EPB41L2: variants seen among roughly 807,000 people sequenced by gnomAD.
EPB41L2 encodes the protein band 4.1-like protein 2.
EPB41L2 carries 43 observed loss-of-function variants against 113.0 expected under a neutral mutation model. That is an observed-to-expected ratio of 0.38 (90% CI 0.30 to 0.49). EPB41L2 has a LOEUF of 0.49. Among genes scored for constraint, EPB41L2 ranks in the 20% least tolerant of loss-of-function variants. The probability of loss-of-function intolerance (pLI) is 0.95; values close to 1 mark genes in which losing one functional copy is unlikely to be tolerated. For synonymous variants in EPB41L2, 442 were observed against 436.7 expected (o/e 1.01, Z -0.15); for missense variants, 1,147 against 1,223.4 (o/e 0.94, Z 0.93).
At chr6:130,964,032 T>G (rs1002026055) in intron 1 of EPB41L2, among the ~76,000 whole-genome samples, 2 of 152,078 alleles carry the variant, frequency 1.3e-5, no homozygotes, top group Admixed American at 6.5e-5. Flanking sequence ...TTTCCTTTTT[T>G]TTTTTTCACA....
chr6:130,876,309 G>A (rs1663122959), intron 14 of EPB41L2, among the ~76,000 whole-genome samples: 1 of 152,126 alleles, frequency 6.6e-6, no homozygotes, highest in Admixed American at 6.5e-5. Flanking sequence ...CATCATCTAA[G>A]GCACATAAGT....
chr6:130,976,767 A>G lies in EPB41L2; in HGVS notation c.-14-20268T>C, dbSNP rs1778290622. On this transcript the variant is annotated intron_variant, in intron 1 of 19. Coordinates refer to ENST00000337057, the MANE Select transcript of EPB41L2 (RefSeq NM_001431.4). ...TTTTAAATTACACAATCAGACAAGT[A>G]TAGTAATCCAGCAGGTACATTAAAC... Among the ~76,000 whole-genome samples the G allele has an allele frequency of 2.0e-5, 3 of 152,228 alleles. No individual in the cohort carries two copies. In the South Asian group the frequency reaches 6.2e-4, roughly 31 times the overall value.
At chr6:130,896,941 C>T (rs1473927221) in intron 8 of EPB41L2, among the ~76,000 whole-genome samples, 2 of 152,030 alleles carry the variant, frequency 1.3e-5, no homozygotes, top group Non-Finnish European at 2.9e-5. Flanking sequence ...TATCCAGATT[C>T]CCTCCCTACG....
intron 18 of EPB41L2, among the ~76,000 whole-genome samples, chr6:130,859,751 C>CAAAAAAA (rs5880039): frequency 7.6e-6 from 1 of 131,702 alleles, no homozygotes; most frequent in African/African-American, 2.9e-5. Flanking sequence ...GTAAAGCTAC[C>CAAAAAAA]AAAAAAAAAA....
chr6:130,858,351 G>A, intron 18 of EPB41L2, 108 bp from the exon 19 acceptor site: 1 of 738,120 alleles, frequency 1.4e-6, no homozygotes, highest in Non-Finnish European at 2.2e-6. Flanking sequence ...CAAGCCAAGA[G>A]GCACTCACTT....
intron 4 of EPB41L2, among the ~76,000 whole-genome samples, chr6:130,921,838 T>G (rs543418032): frequency 6.6e-6 from 1 of 152,324 alleles, no homozygotes; most frequent in South Asian, 2.1e-4. Context: ...TATCACTGAA[T>G]TAGATTACTG....
At chr6:130,938,093 T>C (rs76114830) in intron 3 of EPB41L2, among the ~76,000 whole-genome samples, 3,888 of 152,306 alleles carry the variant, frequency 0.026, 161 homozygotes, top group African/African-American at 0.089. Context: ...CTTACTTTAT[T>C]ATGGTTGTAA....
At chr6:130,856,352 G>A (rs913811515) in intron 19 of EPB41L2, among the ~76,000 whole-genome samples, 3 of 152,096 alleles carry the variant, frequency 2.0e-5, no homozygotes, top group African/African-American at 7.2e-5. Context: ...AATCTATCAA[G>A]AATCAATTAA....
At chr6:130,847,384 C>T (rs1777363545) in intron 19 of EPB41L2, among the ~76,000 whole-genome samples, 1 of 152,124 alleles carries the variant, frequency 6.6e-6, no homozygotes, top group Admixed American at 6.6e-5. Context: ...ATGCATGTTC[C>T]TATGCCTTCC....
At chr6:130,982,244 C>A (rs1272955629) in intron 1 of EPB41L2, among the ~76,000 whole-genome samples, 1 of 152,128 alleles carries the variant, frequency 6.6e-6, no homozygotes, top group Non-Finnish European at 1.5e-5. Flanking sequence ...GCAACACCAA[C>A]AAATACTTCT....
At chr6:130,949,556 T>G (rs554190759) in intron 3 of EPB41L2, among the ~76,000 whole-genome samples, 35 of 149,562 alleles carry the variant, frequency 2.3e-4, no homozygotes, top group Admixed American at 4.0e-4. Context: ...CAGAGAGAGA[T>G]CCTGTTGAAA....
chr6:130,872,258 G>A (rs1785968883), intron 14 of EPB41L2: 1 of 779,806 alleles, frequency 1.3e-6, no homozygotes, highest in Non-Finnish European at 1.7e-6. Flanking sequence ...CTCCCAGGAA[G>A]AATTAATTTC....
rs1402462568 is a variant in EPB41L2, at chr6:130,899,406, A to G, written c.1236+85T>C. On this transcript the variant is annotated intron_variant, in intron 8 of 19. Coordinates refer to ENST00000337057, the MANE Select transcript of EPB41L2 (RefSeq NM_001431.4). ...AGCAAATATCCTTTTCCCAAAAATA[A>G]GCTGTGCTATCCTGAAACTGGAGCC... 3.8e-6 allele frequency: 4 copies of G among 1,048,136 alleles called. No individual in the cohort carries two copies. In the African/African-American group the frequency reaches 6.4e-5, roughly 17 times the overall value. The allele number at this position is 1,048,136 out of a possible 1,614,324, so 64.9% of individuals were successfully genotyped here. A position where few individuals can be genotyped will look rare whatever the true frequency, so the allele number is the denominator to read the frequency against.
intron 1 of EPB41L2, among the ~76,000 whole-genome samples, chr6:130,959,134 G>A (rs1818493323): frequency 6.6e-6 from 1 of 152,170 alleles, no homozygotes; most frequent in African/African-American, 2.4e-5. Flanking sequence ...TCAAAGAGAG[G>A]AAAGAGCTAA....
At chr6:130,931,440 G>A (rs1806833165) in intron 3 of EPB41L2, among the ~76,000 whole-genome samples, 1 of 152,090 alleles carries the variant, frequency 6.6e-6, no homozygotes, top group Non-Finnish European at 1.5e-5. Flanking sequence ...TAAAACAGAT[G>A]TGCTTTGGAG....
chr6:130,878,251 C>T lies in EPB41L2; in HGVS notation c.1897-1G>A. The T allele has an allele frequency of 6.2e-7, 1 of 1,603,836 alleles. No homozygotes were observed. The highest frequency in any genetic ancestry group is 1.1e-5 in the South Asian group (1 of 88,284). Reference sequence around the variant, plus strand: ...TGTCCTCCTGGGCCTTATCCAGTTCCTAGCAATATGTAACGTAACAAAGGG... The same window carrying T: ...TGTCCTCCTGGGCCTTATCCAGTTCTTAGCAATATGTAACGTAACAAAGGG... On this transcript the variant is annotated splice_acceptor_variant, in intron 13 of 19. Coordinates refer to ENST00000337057, the MANE Select transcript of EPB41L2 (RefSeq NM_001431.4). LOFTEE classifies it high-confidence loss of function.
intron 1 of EPB41L2, among the ~76,000 whole-genome samples, chr6:130,983,774 C>T (rs1238618695): frequency 1.3e-5 from 2 of 152,082 alleles, no homozygotes; most frequent in Non-Finnish European, 2.9e-5. Flanking sequence ...AGCAATCCTC[C>T]TGCCTAGGCC....
At chr6:130,957,249 G>A (rs552618341) in intron 1 of EPB41L2, among the ~76,000 whole-genome samples, 1 of 152,312 alleles carries the variant, frequency 6.6e-6, no homozygotes, top group African/African-American at 2.4e-5. Flanking sequence ...ACATTATGAG[G>A]TGGAAAAAAT....
intron 1 of EPB41L2, among the ~76,000 whole-genome samples, chr6:130,971,674 T>C (rs1201134536): frequency 1.3e-5 from 2 of 152,246 alleles, no homozygotes; most frequent in South Asian, 2.1e-4. Flanking sequence ...TGAAAACTTA[T>C]GAATCGCTTG....
Sources: allele counts gnomAD v4.1 joint callset (sites outside exome capture counted in the v4.1 genomes callset), GRCh38; gene constraint gnomAD v4.1.1; transcripts MANE v1.5; gene names NCBI Gene and HGNC (gene_info 2026-07-23, HGNC 2026-07-21).